TBC1D10C: variants seen among roughly 807,000 people sequenced by gnomAD.
TBC1D10C encodes the protein TBC1 domain family member 10C.
TBC1D10C carries 49 observed loss-of-function variants against 51.0 expected under a neutral mutation model. The ratio of observed to expected loss-of-function variants is 0.96; its 90% confidence interval spans 0.76 to 1.22. The LOEUF (loss-of-function observed/expected upper bound fraction) is 1.22, where lower values mean the gene tolerates loss of function less well. Ranked by LOEUF, TBC1D10C falls within the 50% of genes most tolerant of loss-of-function variation. The probability of loss-of-function intolerance (pLI) is 0.00; values close to 1 mark genes in which losing one functional copy is unlikely to be tolerated. For missense variants in TBC1D10C, 541 were observed against 617.5 expected (o/e 0.88, Z 1.31); for synonymous variants, 281 against 266.7 (o/e 1.05, Z -0.52).
chr11:67,406,183 C>A (rs1863156268), intron 5 of TBC1D10C, 166 bp downstream of exon 5: 1 of 589,768 alleles, frequency 1.7e-6, no homozygotes, highest in Non-Finnish European at 2.9e-6. Context: ...AGCCTAATGA[C>A]CTTGACTCCA....
chr11:67,410,070 A>G lies in TBC1D10C; in HGVS notation c.*316A>G, dbSNP rs903148423. 9.5e-6 allele frequency: 3 copies of G among 315,650 alleles called. No individual in the cohort carries two copies. Among genetic ancestry groups the G allele is most frequent in the Non-Finnish European group, 1.8e-5 (3 of 170,786 alleles). The allele number at this position is 315,650 out of a possible 1,614,324, so 19.6% of individuals were successfully genotyped here. A position where few individuals can be genotyped will look rare whatever the true frequency, so the allele number is the denominator to read the frequency against. On this transcript the variant is annotated 3_prime_UTR_variant, in exon 9 of 9. Coordinates refer to ENST00000542590, the MANE Select transcript of TBC1D10C (RefSeq NM_001369496.1). ...CAAGGGACCCCAGAGGGCACCAGGA[A>G]TAAAATCTTCTTGAACAGATGCCTT...
At chr11:67,406,138 C>T in intron 5 of TBC1D10C, 121 bp downstream of exon 5, 1 of 838,434 alleles carries the variant, frequency 1.2e-6, no homozygotes, top group Non-Finnish European at 1.8e-6. Context: ...CCTAGTGACC[C>T]AGGTCCTCAT....
chr11:67,406,556 T>C (rs1863169506), intron 5 of TBC1D10C, 71 bp from the exon 6 acceptor site: 4 of 1,384,406 alleles, frequency 2.9e-6, no homozygotes, highest in Non-Finnish European at 4.0e-6. Context: ...TCCTTTCCCC[T>C]GTCCTGCCTT....
Position 67,405,202 on chromosome 11 carries a change from C to T in TBC1D10C, c.252+18C>T, listed in dbSNP as rs551378504. On this transcript the variant is annotated intron_variant, in intron 2 of 8. Coordinates refer to ENST00000542590, the MANE Select transcript of TBC1D10C (RefSeq NM_001369496.1). Reference sequence around the variant, plus strand: ...ACAAGAAGGTGAGGGGGGCAGGGGCCCCACTTGGCTTCCATGGCTCATTCC... The same window carrying T: ...ACAAGAAGGTGAGGGGGGCAGGGGCTCCACTTGGCTTCCATGGCTCATTCC... 12 of 1,550,176 alleles carry T rather than the reference C, an allele frequency of 7.7e-6. No individual in the cohort carries two copies. The Admixed American group carries it at 1.2e-4, about 15-fold the overall frequency.
At chr11:67,403,943 G>A (rs1038538942), upstream of TBC1D10C, 2 of 394,440 alleles carry the variant, frequency 5.1e-6, no homozygotes, top group African/African-American at 2.1e-5. Context: ...AGGAGGAGGT[G>A]AGGTGCTGCG....
rs1233121091 is a variant in TBC1D10C at position 67,404,126 on chromosome 11, C to G, written c.-77C>G. Reference sequence around the variant, plus strand: ...CCCCCTCTGACCCCGCAGCCAGGCCCCAGGCTGGCCGGGAGTGGCCCCTCA... The same window carrying G: ...CCCCCTCTGACCCCGCAGCCAGGCCGCAGGCTGGCCGGGAGTGGCCCCTCA... On this transcript the variant is annotated 5_prime_UTR_variant, in exon 1 of 9. Transcript: ENST00000542590. The G allele has an allele frequency of 2.1e-5, 29 of 1,391,554 alleles. No individual in the cohort carries two copies. The East Asian group carries it at 8.2e-4, about 39-fold the overall frequency. The allele number at this position is 1,391,554 out of a possible 1,614,324, so 86.2% of individuals were successfully genotyped here.
At chr11:67,407,373 G>T in intron 7 of TBC1D10C, 1 of 252,454 alleles carries the variant, frequency 4.0e-6, no homozygotes, top group Non-Finnish European at 7.6e-6. Flanking sequence ...TCAAGTGATC[G>T]AGACCTTCAA....
chr11:67,406,393 A>G (rs1863163912), intron 5 of TBC1D10C: 2 of 567,926 alleles, frequency 3.5e-6, no homozygotes, highest in African/African-American at 1.9e-5. Context: ...CAAATCTAAC[A>G]CCATGAGCCC....
intron 7 of TBC1D10C, chr11:67,407,937 T>C (rs1480654848): frequency 6.6e-6 from 1 of 152,290 alleles, no homozygotes; most frequent in Non-Finnish European, 1.5e-5. Flanking sequence ...TGGCCACAGG[T>C]GTCCAAGTCG....
chr11:67,404,277 C>A lies in TBC1D10C; in HGVS notation c.75C>A (p.Asp25Glu). 1 of 1,605,018 alleles carries A rather than the reference C, an allele frequency of 6.2e-7. No individual in the cohort carries two copies. Among genetic ancestry groups the A allele is most frequent in the East Asian group, 2.3e-5 (1 of 44,334 alleles). ...LQDDSSSLGS[D>E]SELSGPGPYR... The stretch of plus-strand genomic sequence containing the variant: ...ATGACTCCAGCTCCTTGGGGTCCGA[C>A]TCAGAGCTCAGCGGGCCTGGCCCAT... The change falls in exon 1 of 9, where the codon GAC (aspartate) becomes GAA (glutamate). Residue 25 changes from aspartate (D) to glutamate (E), a missense_variant. By Grantham distance (45) the Asp-to-Glu change is conservative. Transcript: ENST00000542590.
At position 67,406,973 on chromosome 11, in the gene TBC1D10C, C is replaced by T; in HGVS notation, c.795C>T (p.Pro265=). 1 of 1,613,276 alleles carries T rather than the reference C, an allele frequency of 6.2e-7. No homozygotes were observed. Among genetic ancestry groups the T allele is most frequent in the Non-Finnish European group, 8.5e-7 (1 of 1,179,972 alleles). The part of the protein sequence containing the change: ...WFLCLFARSL[P]FPTVLRVWDA... ...TGTGCCTCTTCGCCCGCTCCCTGCC[C>T]TTCCCCACAGTGCTGCGTGTCTGGG... The change falls in exon 7 of 9, where the codon CCC becomes CCT. Residue 265 remains proline, a synonymous_variant. Transcript: ENST00000542590.
intron 4 of TBC1D10C, 63 bp from the exon 5 acceptor site, chr11:67,405,840 C>A (rs1378529253): frequency 4.0e-5 from 62 of 1,543,814 alleles, no homozygotes; most frequent in Non-Finnish European, 5.3e-5. Flanking sequence ...TGGGCAGAGG[C>A]CCCCAGAGGG....
rs565554464 is a variant in TBC1D10C at position 67,409,874 on chromosome 11, C to T, written c.*120C>T. ...GACTTGGCTTCCTTCCTGGCAAGGACCAGGCAGTGGGGAAGGAGGAGGTCC... is the reference window on the plus strand; with the variant it reads ...GACTTGGCTTCCTTCCTGGCAAGGATCAGGCAGTGGGGAAGGAGGAGGTCC... On this transcript the variant is annotated 3_prime_UTR_variant, in exon 9 of 9. Transcript: ENST00000542590. The T allele has an allele frequency of 3.6e-5, 31 of 872,960 alleles. No homozygotes were observed. In the South Asian group the frequency reaches 5.3e-4, roughly 15 times the overall value. The allele number at this position is 872,960 out of a possible 1,614,324, so 54.1% of individuals were successfully genotyped here. A position where few individuals can be genotyped will look rare whatever the true frequency, so the allele number is the denominator to read the frequency against.
In TBC1D10C at chr11:67,409,590, C is replaced by T. The variant is rs565700309; in HGVS notation, c.1177C>T (p.Arg393Trp). ...VRRGAKPEVP[R>W]IVVQPPEEPR... The stretch of plus-strand genomic sequence containing the variant: ...ACGAGGCGCCAAGCCTGAGGTGCCT[C>T]GGATTGTGGTGCAGCCCCCGGAGGA... Residue 393 changes from arginine to tryptophan, a missense_variant, in exon 9 of 9, where the codon CGG becomes TGG. Coordinates refer to ENST00000542590, the MANE Select transcript of TBC1D10C (RefSeq NM_001369496.1). The T allele has an allele frequency of 1.7e-5, 26 of 1,549,778 alleles. No homozygotes were observed. The highest frequency in any genetic ancestry group is 7.8e-5 in the Admixed American group (4 of 51,070).
intron 2 of TBC1D10C, 99 bp from the exon 3 acceptor site, chr11:67,405,300 C>A: frequency 6.7e-7 from 1 of 1,499,984 alleles, no homozygotes; most frequent in Non-Finnish European, 9.1e-7. Context: ...TTGCTCCCTG[C>A]CACCCAAAGT....
chr11:67,404,050 C>T, upstream of TBC1D10C: 1 of 953,310 alleles, frequency 1.0e-6, no homozygotes. Context: ...CTAGCCCCTG[C>T]CCCCATAAAA....
intron 5 of TBC1D10C, 147 bp from the exon 6 acceptor site, chr11:67,406,480 G>C: frequency 1.4e-6 from 1 of 701,174 alleles, no homozygotes; most frequent in Non-Finnish European, 2.4e-6. Context: ...AGGGCTTCCA[G>C]GAACTGCGCA....
intron 7 of TBC1D10C, chr11:67,407,270 G>A (rs950405889): frequency 1.8e-5 from 9 of 493,246 alleles, no homozygotes; most frequent in African/African-American, 1.8e-4. Context: ...GGAGGCCTGA[G>A]CTTCTCAGGG....
chr11:67,409,902 C>G lies in TBC1D10C; in HGVS notation c.*148C>G. The G allele has an allele frequency of 1.4e-6, 1 of 694,338 alleles. No individual in the cohort carries two copies. The highest frequency in any genetic ancestry group is 1.9e-5 in the South Asian group (1 of 52,008). The allele number at this position is 694,338 out of a possible 1,614,324, so 43.0% of individuals were successfully genotyped here. ...GGCAGTGGGGAAGGAGGAGGTCCTCCGTGGTACATACTGGGTCAGGCACTA... is the reference window on the plus strand; with the variant it reads ...GGCAGTGGGGAAGGAGGAGGTCCTCGGTGGTACATACTGGGTCAGGCACTA... On this transcript the variant is annotated 3_prime_UTR_variant, in exon 9 of 9. Coordinates refer to ENST00000542590, the MANE Select transcript of TBC1D10C (RefSeq NM_001369496.1).
Sources: allele counts gnomAD v4.1 joint callset, GRCh38; gene constraint gnomAD v4.1.1; transcripts MANE v1.5; gene names NCBI Gene and HGNC (gene_info 2026-07-23, HGNC 2026-07-21).